LRRTM4: variants seen among roughly 807,000 people sequenced by gnomAD.
The protein encoded by LRRTM4 is leucine-rich repeat transmembrane neuronal protein 4.
A neutral mutation model predicts 47.6 loss-of-function variants in LRRTM4; 25 were observed. That is an observed-to-expected ratio of 0.53 (90% confidence interval 0.38 to 0.73). The LOEUF (loss-of-function observed/expected upper bound fraction) is 0.73. LRRTM4 is among the 30% of genes least tolerant of loss of function. The pLI is 0.00. For synonymous variants in LRRTM4, 311 were observed against 269.5 expected (o/e 1.15, Z -1.51); for missense variants, 638 against 713.4 (o/e 0.89, Z 1.20).
intron 3 of LRRTM4, among the ~76,000 whole-genome samples, chr2:76,940,669 G>T (rs1280114769): frequency 6.6e-6 from 1 of 152,104 alleles, no homozygotes; most frequent in Non-Finnish European, 1.5e-5. Flanking sequence ...ATATTTTGTT[G>T]TTGTTGTTCT....
intron 3 of LRRTM4, among the ~76,000 whole-genome samples, chr2:77,447,599 T>G (rs1359559669): frequency 6.6e-6 from 1 of 152,174 alleles, no homozygotes; most frequent in Non-Finnish European, 1.5e-5. Context: ...CACAACATAG[T>G]TTATGTGCCA....
At chr2:77,289,055 G>GT (rs1676746279) in intron 3 of LRRTM4, among the ~76,000 whole-genome samples, 2 of 151,988 alleles carry the variant, frequency 1.3e-5, no homozygotes, top group Admixed American at 6.6e-5. Flanking sequence ...CGGAGTTTAT[G>GT]TTTTTTAAAG....
intron 3 of LRRTM4, among the ~76,000 whole-genome samples, chr2:77,355,204 G>T (rs577340635): frequency 1.3e-5 from 2 of 152,226 alleles, no homozygotes; most frequent in South Asian, 4.2e-4. Flanking sequence ...AGTAATGTAG[G>T]ATAGCATCTT....
intron 3 of LRRTM4, among the ~76,000 whole-genome samples, chr2:77,339,925 G>A (rs1476204261): frequency 2.6e-5 from 4 of 151,850 alleles, no homozygotes; most frequent in African/African-American, 4.8e-5. Flanking sequence ...AATGACGCAC[G>A]TTGACAACTG....
Position 76,958,434 on chromosome 2 carries a change from G to A in LRRTM4, c.1552-209518C>T, listed in dbSNP as rs374884788. On this transcript the variant is annotated intron_variant, in intron 3 of 3. Coordinates refer to ENST00000409884, the MANE Select transcript of LRRTM4 (RefSeq NM_001134745.3). The stretch of plus-strand genomic sequence containing the variant: ...TGTAACGCACCCACCCCTACGCAGA[G>A]GAGAAACACCTACGCTGATATTGCT... Among the ~76,000 whole-genome samples the A allele has an allele frequency of 2.0e-5, 3 of 151,886 alleles. No individual in the cohort carries two copies. The South Asian group carries it at 6.2e-4, about 31-fold the overall frequency.
chr2:76,956,333 T>C (rs556210683), intron 3 of LRRTM4, among the ~76,000 whole-genome samples: 15 of 151,664 alleles, frequency 9.9e-5, no homozygotes, highest in Admixed American at 7.9e-4. Context: ...TTAAACACAT[T>C]TGGATAACTA....
chr2:77,510,843 TAA>T (rs1678956527), intron 3 of LRRTM4, among the ~76,000 whole-genome samples: 1 of 152,188 alleles, frequency 6.6e-6, no homozygotes, highest in Non-Finnish European at 1.5e-5. Flanking sequence ...GTAAAAATTA[TAA>T]GTGTCATAAG....
intron 3 of LRRTM4, among the ~76,000 whole-genome samples, chr2:76,804,101 G>C (rs1179192715): frequency 2.0e-5 from 3 of 152,076 alleles, no homozygotes; most frequent in African/African-American, 7.2e-5. Context: ...TCTTTGCTTT[G>C]TGCCATTTTG....
chr2:77,414,524 G>T (rs1400598152), intron 3 of LRRTM4, among the ~76,000 whole-genome samples: 1 of 152,090 alleles, frequency 6.6e-6, no homozygotes. Flanking sequence ...ATTATTTTGT[G>T]TCTTTAATTA....
Position 77,299,864 on chromosome 2 carries a change from T to TG in LRRTM4, c.1551+218453_1551+218454insC, listed in dbSNP as rs1182572800. ...AGGTAATGATTTTTTTTTTTTTTTT[T>TG]TTTTTTTGAGACGGGGTCTCGTTCT... is the stretch of plus-strand genomic sequence containing the variant. On this transcript the variant is annotated intron_variant, in intron 3 of 3. Transcript: ENST00000409884. 1.7e-3 allele frequency among the ~76,000 whole-genome samples: 254 copies of TG among 146,634 alleles called. 1 individual carries two copies. The highest frequency in any genetic ancestry group is 6.7e-3 in the African/African-American group (248 of 37,284).
intron 3 of LRRTM4, among the ~76,000 whole-genome samples, chr2:77,165,958 C>G (rs1320522064): frequency 1.3e-5 from 2 of 152,052 alleles, no homozygotes; most frequent in Admixed American, 6.6e-5. Flanking sequence ...AAGTTCTGGC[C>G]AAGTCAATCA....
intron 3 of LRRTM4, among the ~76,000 whole-genome samples, chr2:76,993,335 G>A (rs987572266): frequency 2.0e-5 from 3 of 151,744 alleles, no homozygotes; most frequent in Non-Finnish European, 2.9e-5. Flanking sequence ...TCAACAGAAT[G>A]GAAGAAAATA....
chr2:77,459,759 CAAAA>C (rs59472827), intron 3 of LRRTM4, among the ~76,000 whole-genome samples: 4 of 126,320 alleles, frequency 3.2e-5, no homozygotes, highest in East Asian at 2.3e-4. Flanking sequence ...CTGGTTTTAG[CAAAA>C]AAAAAAAAAA....
intron 3 of LRRTM4, among the ~76,000 whole-genome samples, chr2:77,377,442 C>A (rs1304957185): frequency 2.0e-5 from 3 of 151,860 alleles, no homozygotes; most frequent in Non-Finnish European, 4.4e-5. Flanking sequence ...GGAATACTTA[C>A]ACTATTCTTG....
At chr2:76,914,364 G>T (rs984653430) in intron 3 of LRRTM4, among the ~76,000 whole-genome samples, 1 of 151,624 alleles carries the variant, frequency 6.6e-6, no homozygotes, top group East Asian at 1.9e-4. Context: ...TTTCTGATTT[G>T]CATTGTCAAT....
intron 3 of LRRTM4, among the ~76,000 whole-genome samples, chr2:77,085,234 T>A (rs2103867158): frequency 6.6e-6 from 1 of 152,174 alleles, no homozygotes; most frequent in African/African-American, 2.4e-5. Flanking sequence ...GTAAATCATA[T>A]AAACTTTTTG....
intron 3 of LRRTM4, among the ~76,000 whole-genome samples, chr2:76,985,586 A>G (rs1676766473): frequency 6.6e-6 from 1 of 151,996 alleles, no homozygotes; most frequent in South Asian, 2.1e-4. Context: ...TGCTGAAAGG[A>G]TGTTAGTGAA....
intron 3 of LRRTM4, among the ~76,000 whole-genome samples, chr2:76,985,074 T>C (rs1676746528): frequency 6.6e-6 from 1 of 151,958 alleles, no homozygotes; most frequent in Non-Finnish European, 1.5e-5. Flanking sequence ...TCTTTCAAAA[T>C]CCCATACATT....
At chr2:76,857,292 A>G (rs1173164986) in intron 3 of LRRTM4, among the ~76,000 whole-genome samples, 1 of 148,682 alleles carries the variant, frequency 6.7e-6, no homozygotes, top group East Asian at 1.9e-4. Context: ...ACCTTGTTGT[A>G]AAAACACAGT....
Sources: gnomAD v4.1 joint callset for allele counts (sites outside exome capture counted in the v4.1 genomes callset) on GRCh38, gnomAD v4.1.1 for gene constraint, MANE v1.5 for transcripts, NCBI Gene and HGNC (gene_info 2026-07-23, HGNC 2026-07-21) for gene names.